Variants in PCCA observed in about 807,000 individuals in gnomAD.
PCCA encodes the protein propionyl-CoA carboxylase subunit alpha, also known as propionyl-CoA carboxylase alpha chain, mitochondrial.
Under a neutral mutation model 101.3 loss-of-function variants are expected in PCCA, and 74 were observed. That is an observed-to-expected ratio of 0.73 (90% confidence interval 0.61 to 0.89). PCCA has a LOEUF of 0.89. Ranked by LOEUF, PCCA falls within the 40% of genes least tolerant of loss-of-function variation. The pLI is 0.00. For missense variants in PCCA, 891 were observed against 907.0 expected (o/e 0.98, Z 0.23); for synonymous variants, 294 against 313.6 (o/e 0.94, Z 0.66).
At chr13:100,211,326 A>G (rs1170386450) in intron 7 of PCCA, among the ~76,000 whole-genome samples, 1 of 151,884 alleles carries the variant, frequency 6.6e-6, no homozygotes, top group Non-Finnish European at 1.5e-5. Flanking sequence ...CCTCACTTTC[A>G]TTTCTGTATC....
chr13:100,125,014 G>T (rs1460415807), intron 4 of PCCA, among the ~76,000 whole-genome samples: 7 of 152,108 alleles, frequency 4.6e-5, no homozygotes, highest in Admixed American at 2.0e-4. Flanking sequence ...CACAAAAATT[G>T]TTAATGGACT....
chr13:100,191,291 C>T (rs1311939985), intron 6 of PCCA, among the ~76,000 whole-genome samples: 1 of 152,100 alleles, frequency 6.6e-6, no homozygotes, highest in African/African-American at 2.4e-5. Context: ...AGCATTTTAC[C>T]GCAGAACTAT....
intron 19 of PCCA, among the ~76,000 whole-genome samples, chr13:100,403,098 A>G (rs1181991533): frequency 6.6e-6 from 1 of 151,998 alleles, no homozygotes; most frequent in Non-Finnish European, 1.5e-5. Context: ...TAACTGGTCT[A>G]TCGAAGTGAA....
At chr13:100,294,716 T>A (rs1365126116) in intron 12 of PCCA, among the ~76,000 whole-genome samples, 1 of 152,162 alleles carries the variant, frequency 6.6e-6, no homozygotes, top group Non-Finnish European at 1.5e-5. Context: ...TGTTGGACTA[T>A]TTAGGAATAG....
In PCCA at chr13:100,230,045, C is replaced by T. The variant is rs998323172; in HGVS notation, c.601-5797C>T. On this transcript the variant is annotated intron_variant, in intron 7 of 23. Coordinates refer to ENST00000376285, the MANE Select transcript of PCCA (RefSeq NM_000282.4). ...AGACTAATTTTTATGGAAGCTGATGCGGATAGTTGTTTATTCATGGAAGAA... is the reference window on the plus strand; with the variant it reads ...AGACTAATTTTTATGGAAGCTGATGTGGATAGTTGTTTATTCATGGAAGAA... Among the ~76,000 whole-genome samples, 5 of 152,118 alleles carry T rather than the reference C, an allele frequency of 3.3e-5. No individual in the cohort carries two copies. In the South Asian group the frequency reaches 8.3e-4, roughly 25 times the overall value.
At chr13:100,372,195 A>G (rs188838509) in intron 19 of PCCA, among the ~76,000 whole-genome samples, 1 of 152,240 alleles carries the variant, frequency 6.6e-6, no homozygotes, top group East Asian at 1.9e-4. Flanking sequence ...AAATACAAAC[A>G]TTAGCTGGGC....
At chr13:100,270,280 C>T (rs1223120608) in intron 11 of PCCA, among the ~76,000 whole-genome samples, 1 of 152,172 alleles carries the variant, frequency 6.6e-6, no homozygotes, top group Non-Finnish European at 1.5e-5. Context: ...GTATCTTTTT[C>T]TTAAGAAACC....
intron 16 of PCCA, among the ~76,000 whole-genome samples, chr13:100,319,916 G>T (rs976425858): frequency 6.6e-6 from 1 of 152,152 alleles, no homozygotes; most frequent in Non-Finnish European, 1.5e-5. Context: ...AAATTACCTT[G>T]GGCAGTATGG....
At chr13:100,292,238 C>T (rs1369400757) in intron 12 of PCCA, among the ~76,000 whole-genome samples, 1 of 152,188 alleles carries the variant, frequency 6.6e-6, no homozygotes, top group Non-Finnish European at 1.5e-5. Flanking sequence ...TGTTTCAGAA[C>T]AACTGCAGCT....
intron 6 of PCCA, among the ~76,000 whole-genome samples, chr13:100,195,874 A>T (rs1364358352): frequency 6.6e-6 from 1 of 152,152 alleles, no homozygotes; most frequent in East Asian, 1.9e-4. Flanking sequence ...TGATGTGCAC[A>T]AAGAGTGAAG....
At chr13:100,161,131 A>G (rs1173150176) in intron 6 of PCCA, 1 of 152,204 alleles carries the variant, frequency 6.6e-6, no homozygotes, top group African/African-American at 2.4e-5. Context: ...AAGATAAGAC[A>G]TGTAACTACT....
chr13:100,195,585 T>C (rs2058055190), intron 6 of PCCA, among the ~76,000 whole-genome samples: 1 of 152,216 alleles, frequency 6.6e-6, no homozygotes, highest in Non-Finnish European at 1.5e-5. Context: ...TTTCTCTGGG[T>C]ATCTTCTATA....
intron 21 of PCCA, among the ~76,000 whole-genome samples, chr13:100,451,412 C>A (rs1255058802): frequency 6.6e-6 from 1 of 152,130 alleles, no homozygotes; most frequent in Non-Finnish European, 1.5e-5. Flanking sequence ...ATCTTGGACA[C>A]CTTTCTGTGT....
At chr13:100,467,957 T>A (rs1384436707) in intron 21 of PCCA, among the ~76,000 whole-genome samples, 1 of 152,202 alleles carries the variant, frequency 6.6e-6, no homozygotes, top group African/African-American at 2.4e-5. Context: ...GTCTTCCAAA[T>A]GTATTTCTGA....
intron 18 of PCCA, among the ~76,000 whole-genome samples, chr13:100,351,784 T>C (rs538885115): frequency 1.3e-5 from 2 of 152,328 alleles, no homozygotes; most frequent in Admixed American, 1.3e-4. Flanking sequence ...TTATTTGACT[T>C]GAATTGGATA....
At chr13:100,507,599 G>A (rs915793265) in intron 21 of PCCA, among the ~76,000 whole-genome samples, 1 of 152,186 alleles carries the variant, frequency 6.6e-6, no homozygotes, top group Non-Finnish European at 1.5e-5. Flanking sequence ...TGCAACACAA[G>A]GGAAGAAATA....
intron 19 of PCCA, among the ~76,000 whole-genome samples, chr13:100,422,129 TTCTTTC>T (rs2078861271): frequency 5.8e-5 from 8 of 137,412 alleles, no homozygotes; most frequent in African/African-American, 1.3e-4. Context: ...TTTTCTTTCT[TTCTTTC>T]TTTTTTTTTT....
Position 100,291,876 on chromosome 13 carries a change from G to A in PCCA, c.1066-9584G>A, listed in dbSNP as rs562624091. 9.1e-4 allele frequency among the ~76,000 whole-genome samples: 138 copies of A among 152,314 alleles called. 1 individual carries two copies. Among genetic ancestry groups the A allele is most frequent in the African/African-American group, 3.1e-3 (128 of 41,568 alleles). ...GCAAGCCAGTCTGTCTCCATGATGT[G>A]TTCCTTTCACATTCTTCCCTAGAGT... On this transcript the variant is annotated intron_variant, in intron 12 of 23. Transcript: ENST00000376285.
At chr13:100,483,868 G>A (rs1032332015) in intron 21 of PCCA, among the ~76,000 whole-genome samples, 3 of 152,190 alleles carry the variant, frequency 2.0e-5, no homozygotes, top group African/African-American at 7.2e-5. Context: ...GAAGTGATGG[G>A]TTGGAATCGT....
Sources: allele counts gnomAD v4.1 joint callset (sites outside exome capture counted in the v4.1 genomes callset), GRCh38; gene constraint gnomAD v4.1.1; transcripts MANE v1.5; gene names NCBI Gene and HGNC (gene_info 2026-07-23, HGNC 2026-07-21).